Variants in TECPR2 observed in about 807,000 individuals in gnomAD.
TECPR2 encodes tectonin beta-propeller repeat-containing protein 2.
TECPR2 carries 65 observed loss-of-function variants against 138.1 expected under a neutral mutation model. The observed-to-expected ratio is 0.47, with a 90% CI of 0.39 to 0.58. TECPR2 has a LOEUF of 0.58. Among genes scored for constraint, TECPR2 ranks in the 20% least tolerant of loss-of-function variants. The pLI, the probability that TECPR2 is intolerant of heterozygous loss-of-function variation, is 0.00. For missense variants in TECPR2, 1,553 were observed against 1,824.5 expected (o/e 0.85, Z 2.71); for synonymous variants, 746 against 749.8 (o/e 0.99, Z 0.08).
intron 9 of TECPR2, among the ~76,000 whole-genome samples, chr14:102,436,425 T>G (rs1889674521): frequency 6.6e-6 from 1 of 151,584 alleles, no homozygotes; most frequent in African/African-American, 2.4e-5. Flanking sequence ...GCTCAAGTGA[T>G]CCACCTGCCT....
intron 1 of TECPR2, among the ~76,000 whole-genome samples, chr14:102,365,392 GCA>G (rs1346662689): frequency 6.6e-6 from 1 of 152,202 alleles, no homozygotes; most frequent in Non-Finnish European, 1.5e-5. Flanking sequence ...TTCTTACAGG[GCA>G]CATGTGGGGG....
At position 102,420,074 on chromosome 14, in the gene TECPR2, A is replaced by C. The variant is rs1331770601; in HGVS notation, c.639-4905A>C. Among the ~76,000 whole-genome samples the C allele has an allele frequency of 6.6e-6, 1 of 152,182 alleles. No individual in the cohort carries two copies. Among genetic ancestry groups the C allele is most frequent in the Non-Finnish European group, 1.5e-5 (1 of 68,034 alleles). On this transcript the variant is annotated intron_variant, in intron 5 of 19. Transcript: ENST00000359520. This position sits in a 1 kb window ranked among gnomAD's most constrained non-coding sequence, Gnocchi z 4.1. ...TCAGGCTCCCATTTTGGGTGCTGTC[A>C]GCTTTCAGCGTATCAGCTCTGTGGC...
intron 16 of TECPR2, among the ~76,000 whole-genome samples, chr14:102,460,896 C>T (rs756788239): frequency 3.2e-4 from 48 of 151,956 alleles, no homozygotes; most frequent in Admixed American, 9.8e-4. Flanking sequence ...GGGGCTTCAC[C>T]GTGTTAGCCA....
At chr14:102,429,512 T>C (rs1323971666) in intron 7 of TECPR2, among the ~76,000 whole-genome samples, 1 of 152,160 alleles carries the variant, frequency 6.6e-6, no homozygotes, top group Non-Finnish European at 1.5e-5. Context: ...GAGCAAAGAA[T>C]CCTAATATGT....
At chr14:102,495,356 C>G (rs995102698) in intron 17 of TECPR2, among the ~76,000 whole-genome samples, 1 of 152,208 alleles carries the variant, frequency 6.6e-6, no homozygotes, top group South Asian at 2.1e-4. Context: ...TCACCACCTT[C>G]CCTCTGAGCT....
At chr14:102,411,924 T>A (rs1322729516) in intron 4 of TECPR2, among the ~76,000 whole-genome samples, 3 of 152,004 alleles carry the variant, frequency 2.0e-5, no homozygotes, top group Non-Finnish European at 4.4e-5. Context: ...GTAGTTGCTT[T>A]AAAGGTTACG....
chr14:102,450,013 C>G, intron 14 of TECPR2, 144 bp downstream of exon 14: 1 of 1,246,666 alleles, frequency 8.0e-7, no homozygotes, highest in Non-Finnish European at 1.1e-6. Flanking sequence ...GCACTCTATG[C>G]TTTGTGATCA....
At chr14:102,462,538 CAG>C (rs1213557396) in intron 16 of TECPR2, among the ~76,000 whole-genome samples, 1 of 152,170 alleles carries the variant, frequency 6.6e-6, no homozygotes, top group Non-Finnish European at 1.5e-5. Context: ...TTTCACATGG[CAG>C]AGTCATGCCT....
rs1328359971 is a variant in TECPR2, at chr14:102,498,509, A to C, written c.*252A>C. 1.6e-5 allele frequency: 9 copies of C among 559,754 alleles called. No individual in the cohort carries two copies. In the East Asian group the frequency reaches 2.8e-4, roughly 17 times the overall value. The allele number at this position is 559,754 out of a possible 1,614,324, so 34.7% of individuals were successfully genotyped here. Reference sequence around the variant, plus strand: ...AGGACAGTGGCGACTGCCCGGCTGCATGCACTCCGATTACCCACGTGCTGC... The same window carrying C: ...AGGACAGTGGCGACTGCCCGGCTGCCTGCACTCCGATTACCCACGTGCTGC... On this transcript the variant is annotated 3_prime_UTR_variant, in exon 20 of 20. Transcript: ENST00000359520.
Sources: allele counts gnomAD v4.1 joint callset (sites outside exome capture counted in the v4.1 genomes callset), GRCh38; gene constraint gnomAD v4.1.1; non-coding constraint Gnocchi (gnomAD v3.1); transcripts MANE v1.5; gene names NCBI Gene and HGNC (gene_info 2026-07-23, HGNC 2026-07-21).